CGN: variants seen among roughly 807,000 people sequenced by gnomAD.
CGN encodes the protein cingulin.
A neutral mutation model predicts 157.1 loss-of-function variants in CGN; 121 were observed. The ratio of observed to expected loss-of-function variants is 0.77; its 90% CI spans 0.66 to 0.90. CGN has a LOEUF of 0.90. Among genes scored for constraint, CGN ranks in the 40% least tolerant of loss-of-function variants. The pLI, the probability that CGN is intolerant of heterozygous loss-of-function variation, is 0.00. For missense variants in CGN, 1,424 were observed against 1,520.9 expected (o/e 0.94, Z 1.06); for synonymous variants, 535 against 607.5 (o/e 0.88, Z 1.76).
At chr1:151,527,203 G>A (rs1039542282) in intron 10 of CGN, 96 bp downstream of exon 10, 2 of 1,404,754 alleles carry the variant, frequency 1.4e-6, no homozygotes, top group Non-Finnish European at 2.0e-6. Context: ...GCTATCTCCT[G>A]TGTGCTTGGT....
chr1:151,515,822 A>G (rs1664397188), intron 1 of CGN, among the ~76,000 whole-genome samples: 3 of 152,210 alleles, frequency 2.0e-5, no homozygotes, highest in Admixed American at 2.0e-4. Context: ...GAGCAGAGAC[A>G]GGATTCCAGA....
chr1:151,530,130 C>T lies in CGN; in HGVS notation c.2313+15C>T. ...AGCGGCTGGAGGTCAGTGGTTCTGC[C>T]CTCCCAGCCCTCTCTGCTCAGCCCT... is the stretch of plus-strand genomic sequence containing the variant. On this transcript the variant is annotated intron_variant, in intron 12 of 20. Transcript: ENST00000271636. The T allele has an allele frequency of 1.2e-6, 2 of 1,602,676 alleles. No homozygotes were observed. The highest frequency in any genetic ancestry group is 1.7e-6 in the Non-Finnish European group (2 of 1,171,548).
chr1:151,519,378 C>T lies in CGN; in HGVS notation c.859C>T (p.Pro287Ser). Reference protein sequence around the residue: ...FEEPRRSAQDPTMLQFKSTPD... With the variant: ...FEEPRRSAQDSTMLQFKSTPD... ...GGAGCCGCGGAGGAGTGCACAGGACCCCACCATGCTGCAGGTCAGACCCAG... is the reference window on the plus strand; with the variant it reads ...GGAGCCGCGGAGGAGTGCACAGGACTCCACCATGCTGCAGGTCAGACCCAG... The change falls in exon 2 of 21, where the codon CCC becomes TCC. Residue 287 changes from proline (P) to serine (S), a missense_variant. By Grantham distance (74) the Pro-to-Ser change is moderately conservative (BLOSUM62 -1). Coordinates refer to ENST00000271636, the MANE Select transcript of CGN (RefSeq NM_020770.3). The T allele has an allele frequency of 6.3e-7, 1 of 1,594,148 alleles. No homozygotes were observed. The highest frequency in any genetic ancestry group is 1.7e-5 in the Admixed American group (1 of 58,486).
rs765327285 is a variant in CGN, at chr1:151,529,373, G to A, written c.1920G>A (p.Glu640=). The A allele has an allele frequency of 1.9e-6, 3 of 1,613,758 alleles. No homozygotes were observed. Residue 640 remains glutamate (E), a synonymous_variant, in exon 11 of 21, where the codon GAG becomes GAA. Transcript: ENST00000271636. ...AGGAGCTGCTCCGGACACAGGAGGA[G>A]CTTAAGGAACTGCAGGCAGAACGGC... ...LKKELLRTQE[E]LKELQAERQS...
At position 151,537,451 on chromosome 1, in the gene CGN, A is replaced by G. The variant is rs1291746201; in HGVS notation, c.*105A>G. 16 of 992,902 alleles carry G rather than the reference A, an allele frequency of 1.6e-5. No individual in the cohort carries two copies. Among genetic ancestry groups the G allele is most frequent in the Non-Finnish European group, 2.3e-5 (16 of 684,590 alleles). The allele number at this position is 992,902 out of a possible 1,614,324, so 61.5% of individuals were successfully genotyped here. On this transcript the variant is annotated 3_prime_UTR_variant, in exon 21 of 21. Transcript: ENST00000271636. ...CTGCATTCCTATGGGTGACCCAATTATTCAGACCTAAGACAGGGAGGGGTC... is the reference window on the plus strand; with the variant it reads ...CTGCATTCCTATGGGTGACCCAATTGTTCAGACCTAAGACAGGGAGGGGTC...
chr1:151,534,876 G>A, intron 15 of CGN, 166 bp from the exon 16 acceptor site: 1 of 611,156 alleles, frequency 1.6e-6, no homozygotes, highest in Non-Finnish European at 2.9e-6. Context: ...GGTCAGTAGA[G>A]GGCGCTGGCT....
At position 151,518,510 on chromosome 1, in the gene CGN, C is replaced by T; in HGVS notation, c.-10C>T. Reference sequence around the variant, plus strand: ...ACTCATTTCTTCATCTTCTAGGACTCCTCCTATTTATGGAGCAGGCACCCA... The same window carrying T: ...ACTCATTTCTTCATCTTCTAGGACTTCTCCTATTTATGGAGCAGGCACCCA... On this transcript the variant is annotated 5_prime_UTR_variant, in exon 2 of 21. Transcript: ENST00000271636. The T allele has an allele frequency of 1.9e-6, 3 of 1,594,936 alleles. No individual in the cohort carries two copies. The Middle Eastern group carries it at 5.0e-4, about 267-fold the overall frequency.
intron 14 of CGN, 40 bp downstream of exon 14, chr1:151,532,612 C>CT (rs34388063): frequency 0.12 from 65,993 of 532,518 alleles, 1,918 homozygotes; most frequent in Non-Finnish European, 0.14. Context: ...GTCCTTGCCT[C>CT]TTTTTTTTTT....
intron 1 of CGN, among the ~76,000 whole-genome samples, chr1:151,516,393 T>A (rs1366534804): frequency 6.6e-6 from 1 of 152,146 alleles, no homozygotes; most frequent in Non-Finnish European, 1.5e-5. Context: ...CTCCCCCAAG[T>A]TCCTGGAGCC....
intron 19 of CGN, 56 bp from the exon 20 acceptor site, chr1:151,536,674 T>C: frequency 6.4e-7 from 1 of 1,570,508 alleles, no homozygotes. Flanking sequence ...TGGGGGAGGG[T>C]CCCAGGCCAT....
Position 151,536,223 on chromosome 1 carries a change from C to T in CGN, c.3198-14C>T. The T allele has an allele frequency of 6.5e-7, 1 of 1,527,402 alleles. No individual in the cohort carries two copies. Among genetic ancestry groups the T allele is most frequent in the Non-Finnish European group, 9.1e-7 (1 of 1,100,744 alleles). The allele number at this position is 1,527,402 out of a possible 1,614,324, so 94.6% of individuals were successfully genotyped here. A position where few individuals can be genotyped will look rare whatever the true frequency, so the allele number is the denominator to read the frequency against. ...AATGGGGACACTCATAGACATTCTT[C>T]TACCTCACCTTAGGGAGAAGACAGT... On this transcript the variant is annotated splice_polypyrimidine_tract_variant and intron_variant, in intron 18 of 20. Coordinates refer to ENST00000271636, the MANE Select transcript of CGN (RefSeq NM_020770.3).
At chr1:151,525,258 G>T (rs934547037) in intron 8 of CGN, among the ~76,000 whole-genome samples, 1 of 152,134 alleles carries the variant, frequency 6.6e-6, no homozygotes, top group African/African-American at 2.4e-5. Context: ...ACTTAGCTGG[G>T]TGTAGTGATG....
intron 11 of CGN, 140 bp downstream of exon 11, chr1:151,529,699 C>A: frequency 2.2e-6 from 2 of 897,372 alleles, no homozygotes; most frequent in Non-Finnish European, 3.4e-6. Flanking sequence ...TTCAAAGAAG[C>A]CAGGATTTGG....
Position 151,534,088 on chromosome 1 carries a change from C to T in CGN, c.2856C>T (p.Asn952=), listed in dbSNP as rs747778174. ...RLQGLEQEAE[N]KKRSQDDRAR... Reference sequence around the variant, plus strand: ...AGGGGCTGGAGCAAGAGGCAGAGAACAAGAAGCGTTCCCAGGACGACAGGG... The same window carrying T: ...AGGGGCTGGAGCAAGAGGCAGAGAATAAGAAGCGTTCCCAGGACGACAGGG... Residue 952 remains asparagine (N), a synonymous_variant, in exon 15 of 21, where the codon AAC becomes AAT. Coordinates refer to ENST00000271636, the MANE Select transcript of CGN (RefSeq NM_020770.3). 2 of 1,612,086 alleles carry T rather than the reference C, an allele frequency of 1.2e-6. No individual in the cohort carries two copies. The highest frequency in any genetic ancestry group is 1.7e-6 in the Non-Finnish European group (2 of 1,179,108).
Position 151,529,525 on chromosome 1 carries a change from A to C in CGN, c.2072A>C (p.Gln691Pro). The C allele has an allele frequency of 6.2e-7, 1 of 1,613,972 alleles. No individual in the cohort carries two copies. Among genetic ancestry groups the C allele is most frequent in the Non-Finnish European group, 8.5e-7 (1 of 1,179,980 alleles). ...AACCTCCAGCTACAAAAGACCCTCC[A>C]GCAACTGCGACAGGACTGTGAAGAG... Reference protein sequence around the residue: ...EQNLQLQKTLQQLRQDCEEAS... With the variant: ...EQNLQLQKTLPQLRQDCEEAS... Residue 691 changes from glutamine (Q) to proline (P), a missense_variant, in exon 11 of 21, where the codon CAG (glutamine) becomes CCG (proline). By Grantham distance (76) the Gln-to-Pro change is moderately conservative. This residue lies in a region of CGN where 1,187 missense variants were observed against 1,217.6 expected (regional missense o/e 0.97). Coordinates refer to ENST00000271636, the MANE Select transcript of CGN (RefSeq NM_020770.3).
At chr1:151,513,374 C>T (rs1350229201) in intron 1 of CGN, among the ~76,000 whole-genome samples, 2 of 152,176 alleles carry the variant, frequency 1.3e-5, no homozygotes, top group Non-Finnish European at 2.9e-5. Flanking sequence ...GCTCTTTCAG[C>T]GGACCTGGGC....
rs1360056534 is a variant in CGN at position 151,518,898 on chromosome 1, T to C, written c.379T>C (p.Tyr127His). ...CACATCTGATGAGGAGCCTGGGGCCTACTGGAATGGAAAGCTACTCCGTTC... is the reference window on the plus strand; with the variant it reads ...CACATCTGATGAGGAGCCTGGGGCCCACTGGAATGGAAAGCTACTCCGTTC... ...SSTSDEEPGAYWNGKLLRSHS... is the reference protein window; with the variant it reads ...SSTSDEEPGAHWNGKLLRSHS... Residue 127 changes from tyrosine (Y) to histidine (H), a missense_variant, in exon 2 of 21, where the codon TAC becomes CAC. Tyr to His is a moderately conservative substitution (Grantham distance 83). Around this residue, in one of 3 missense-constraint regions of CGN, gnomAD observed 1,187 missense variants for 1,217.6 expected, o/e 0.97. Coordinates refer to ENST00000271636, the MANE Select transcript of CGN (RefSeq NM_020770.3). 6 of 1,613,938 alleles carry C rather than the reference T, an allele frequency of 3.7e-6. No individual in the cohort carries two copies. In the African/African-American group the frequency reaches 8.0e-5, roughly 22 times the overall value.
intron 5 of CGN, among the ~76,000 whole-genome samples, chr1:151,521,497 A>G (rs762454530): frequency 1.3e-5 from 2 of 152,198 alleles, no homozygotes; most frequent in African/African-American, 4.8e-5. Flanking sequence ...TGATAGTACT[A>G]TATTAATTAA....
chr1:151,536,199 A>G (rs1418648811), intron 18 of CGN, 38 bp from the exon 19 acceptor site: 1 of 1,295,534 alleles, frequency 7.7e-7, no homozygotes, highest in Admixed American at 1.7e-5. Context: ...TCCCTTAGAA[A>G]TGGGGACACT....
Sources: gnomAD v4.1 joint callset for allele counts (sites outside exome capture counted in the v4.1 genomes callset) on GRCh38, gnomAD v4.1.1 for gene constraint, gnomAD v4.1.1 regional missense constraint, MANE v1.5 for transcripts, NCBI Gene and HGNC (gene_info 2026-07-23, HGNC 2026-07-21) for gene names.